The following FIP1L1 variants were observed in gnomAD, a reference collection of about 807,000 sequenced individuals.
FIP1L1 encodes the protein pre-mRNA 3'-end-processing factor FIP1.
In FIP1L1, 21 loss-of-function variants were observed where a neutral mutation model predicts 84.6. The ratio of observed to expected loss-of-function variants is 0.25; its 90% CI spans 0.18 to 0.36. The LOEUF (loss-of-function observed/expected upper bound fraction) is 0.36. Ranked by LOEUF, FIP1L1 falls within the 10% of genes least tolerant of loss-of-function variation. The pLI is 1.00. For synonymous variants in FIP1L1, 263 were observed against 242.3 expected (o/e 1.09, Z -0.80); for missense variants, 526 against 751.1 (o/e 0.70, Z 3.50).
chr4:53,437,278 G>A (rs1228570555), intron 13 of FIP1L1, among the ~76,000 whole-genome samples: 7 of 140,780 alleles, frequency 5.0e-5, no homozygotes, highest in African/African-American at 1.9e-4. Flanking sequence ...GCAGTGAGCC[G>A]TGGTCATGCC....
Position 53,460,730 on chromosome 4 carries a change from T to C in FIP1L1, c.*1281T>C, listed in dbSNP as rs1270192958. 6 of 590,152 alleles carry C rather than the reference T, an allele frequency of 1.0e-5. No homozygotes were observed. Among genetic ancestry groups the C allele is most frequent in the Non-Finnish European group, 1.7e-5 (6 of 354,496 alleles). 36.6% of individuals were successfully genotyped at this position (590,152 alleles called of 1,614,324 possible). A position where few individuals can be genotyped will look rare whatever the true frequency, so the allele number is the denominator to read the frequency against. ...ACTGAAAAAAAACTAGTAGTTTTAA[T>C]TTTTTTGGAATCATATTTTCTGAGG... On this transcript the variant is annotated 3_prime_UTR_variant, in exon 18 of 18. Transcript: ENST00000337488.
intron 10 of FIP1L1, among the ~76,000 whole-genome samples, chr4:53,402,910 C>T (rs1231074519): frequency 2.6e-5 from 4 of 152,110 alleles, no homozygotes; most frequent in Non-Finnish European, 4.4e-5. Flanking sequence ...ATACAGGGCA[C>T]CAGTGCAGAT....
intron 5 of FIP1L1, among the ~76,000 whole-genome samples, chr4:53,387,015 T>A (rs1163949702): frequency 1.3e-5 from 2 of 152,176 alleles, no homozygotes; most frequent in Non-Finnish European, 2.9e-5. Flanking sequence ...TCATATCATT[T>A]GAAAAGATAA....
Position 53,428,048 on chromosome 4 carries a change from A to T in FIP1L1, c.1039A>T (p.Thr347Ser). 2 of 1,607,988 alleles carry T rather than the reference A, an allele frequency of 1.2e-6. No homozygotes were observed. The highest frequency in any genetic ancestry group is 1.7e-6 in the Non-Finnish European group (2 of 1,175,758). ...TTAGGTCCTTTCTGAAAGATCTGCTACTGAAGTAGACAACAATTTTAGCAA... is the reference window on the plus strand; with the variant it reads ...TTAGGTCCTTTCTGAAAGATCTGCTTCTGAAGTAGACAACAATTTTAGCAA... Reference protein sequence around the residue: ...NIQVLSERSATEVDNNFSKPP... With the variant: ...NIQVLSERSASEVDNNFSKPP... The change falls in exon 13 of 18, where the codon ACT (threonine) becomes TCT (serine). Residue 347 changes from threonine to serine, a missense_variant. Around this residue, in one of 6 missense-constraint regions of FIP1L1, gnomAD observed 80 missense variants for 151.1 expected, o/e 0.53. Coordinates refer to ENST00000337488, the MANE Select transcript of FIP1L1 (RefSeq NM_030917.4).
At chr4:53,417,517 C>G (rs1760025528) in intron 11 of FIP1L1, among the ~76,000 whole-genome samples, 1 of 151,676 alleles carries the variant, frequency 6.6e-6, no homozygotes, top group Non-Finnish European at 1.5e-5. Flanking sequence ...TGGTGCATGC[C>G]TGTAATCCCA....
intron 10 of FIP1L1, among the ~76,000 whole-genome samples, chr4:53,407,320 C>T (rs530035934): frequency 0.018 from 2,751 of 152,124 alleles, 81 homozygotes; most frequent in African/African-American, 0.063. Context: ...TTGAGCGGTT[C>T]TGAGTGAGTT....
intron 10 of FIP1L1, among the ~76,000 whole-genome samples, chr4:53,412,052 T>G (rs62325214): frequency 0.11 from 16,744 of 152,064 alleles, 1,068 homozygotes; most frequent in East Asian, 0.16. Flanking sequence ...AAAGTTTTAT[T>G]TTGAAAAAAA....
At chr4:53,425,809 C>T (rs1424251116) in intron 11 of FIP1L1, 63 bp from the exon 12 acceptor site, 17 of 1,184,638 alleles carry the variant, frequency 1.4e-5, no homozygotes, top group Non-Finnish European at 2.1e-5. Context: ...TTTCTCACTG[C>T]TTTTATTATT....
In FIP1L1 at chr4:53,426,278, G is replaced by A. The variant is rs181157148; in HGVS notation, c.1017+313G>A. On this transcript the variant is annotated intron_variant, in intron 12 of 17. Transcript: ENST00000337488. ...TGTTTGGATTTTGAAATGTTCATAC[G>A]TATGTAATCTTAGAGATGAGACCCA... Among the ~76,000 whole-genome samples, 28 of 152,178 alleles carry A rather than the reference G, an allele frequency of 1.8e-4. No individual in the cohort carries two copies. In the East Asian group the frequency reaches 3.1e-3, roughly 17 times the overall value.
intron 5 of FIP1L1, among the ~76,000 whole-genome samples, chr4:53,384,602 A>G (rs1162948469): frequency 6.6e-6 from 1 of 152,186 alleles, no homozygotes; most frequent in African/African-American, 2.4e-5. Flanking sequence ...TCAGGTTTCT[A>G]ATTCTCCCTT....
rs1218590266 is a variant in FIP1L1 at position 53,460,773 on chromosome 4, A to AGAT, written c.*1328_*1330dup. The AGAT allele has an allele frequency of 5.5e-6, 5 of 909,596 alleles. No individual in the cohort carries two copies. In the Admixed American group the frequency reaches 9.1e-5, roughly 17 times the overall value. The allele number at this position is 909,596 out of a possible 1,614,324, so 56.3% of individuals were successfully genotyped here. ...TTCTGAGGTGTAACTGGCTTTCATT[A>AGAT]GATGATCATACTTTTCCTGACATTT... On this transcript the variant is annotated 3_prime_UTR_variant, in exon 18 of 18. Transcript: ENST00000337488.
At chr4:53,402,948 AT>A (rs1751059723) in intron 10 of FIP1L1, among the ~76,000 whole-genome samples, 1 of 152,208 alleles carries the variant, frequency 6.6e-6, no homozygotes, top group Admixed American at 6.5e-5. Context: ...AATGGGAATA[AT>A]TGAAAGTTCT....
intron 11 of FIP1L1, among the ~76,000 whole-genome samples, chr4:53,421,898 A>G (rs1448900553): frequency 1.3e-5 from 2 of 152,210 alleles, no homozygotes; most frequent in Admixed American, 6.5e-5. Context: ...TTAGAGAACC[A>G]TGTTGCTAGT....
chr4:53,427,251 A>G (rs1464260615), intron 12 of FIP1L1, among the ~76,000 whole-genome samples: 1 of 152,230 alleles, frequency 6.6e-6, no homozygotes, highest in African/African-American at 2.4e-5. Flanking sequence ...TCTGAGAAGT[A>G]TAAATTAAAT....
intron 11 of FIP1L1, among the ~76,000 whole-genome samples, chr4:53,421,867 C>G (rs1275957512): frequency 1.3e-5 from 2 of 152,170 alleles, no homozygotes; most frequent in African/African-American, 4.8e-5. Context: ...ATTTAGAAAT[C>G]AGGGACGTCC....
chr4:53,454,042 T>G (rs1194474054), intron 16 of FIP1L1, among the ~76,000 whole-genome samples: 1 of 152,232 alleles, frequency 6.6e-6, no homozygotes, highest in Non-Finnish European at 1.5e-5. Flanking sequence ...TATTAGTCTT[T>G]CCTGCAACAC....
chr4:53,450,996 CTG>C (rs910531704), intron 15 of FIP1L1, among the ~76,000 whole-genome samples: 18 of 147,266 alleles, frequency 1.2e-4, no homozygotes, highest in African/African-American at 4.5e-4. Flanking sequence ...GAGTCTCACT[CTG>C]TTGTCATGCT....
At chr4:53,441,115 A>G (rs1771709640) in intron 13 of FIP1L1, 1 of 152,350 alleles carries the variant, frequency 6.6e-6, no homozygotes. Context: ...TTGTAATAGT[A>G]TGATCACTAG....
intron 5 of FIP1L1, among the ~76,000 whole-genome samples, chr4:53,387,199 A>T (rs1741552652): frequency 6.6e-6 from 1 of 152,228 alleles, no homozygotes; most frequent in African/African-American, 2.4e-5. Flanking sequence ...CATGTGGTAT[A>T]CACCTGTAGT....
Sources: allele counts gnomAD v4.1 joint callset (sites outside exome capture counted in the v4.1 genomes callset), GRCh38; gene constraint gnomAD v4.1.1; regional missense constraint gnomAD v4.1.1; transcripts MANE v1.5; gene names NCBI Gene and HGNC (gene_info 2026-07-23, HGNC 2026-07-21).